The following MBOAT1 variants were observed in gnomAD, a reference collection of about 807,000 sequenced individuals.
The protein encoded by MBOAT1 is membrane-bound glycerophospholipid O-acyltransferase 1.
A neutral mutation model predicts 64.4 loss-of-function variants in MBOAT1; 67 were observed. The ratio of observed to expected loss-of-function variants is 1.04; its 90% CI spans 0.85 to 1.27. MBOAT1 has a LOEUF of 1.27. MBOAT1 is among the 50% of genes most tolerant of loss of function. The probability of loss-of-function intolerance (pLI) is 0.00; values close to 1 mark genes in which losing one functional copy is unlikely to be tolerated. For synonymous variants in MBOAT1, 229 were observed against 218.9 expected, an observed-to-expected ratio of 1.05 and a Z score of -0.41; for missense variants, 563 against 604.6, an observed-to-expected ratio of 0.93 and a Z score of 0.72.
intron 4 of MBOAT1, among the ~76,000 whole-genome samples, chr6:20,138,497 C>A (rs191654821): frequency 1.3e-5 from 2 of 152,338 alleles, no homozygotes; most frequent in Admixed American, 6.5e-5. Context: ...TTGTGTCAAA[C>A]CCCCAAATCC....
chr6:20,142,337 A>G (rs946448785), intron 4 of MBOAT1, among the ~76,000 whole-genome samples: 14 of 152,194 alleles, frequency 9.2e-5, no homozygotes, highest in Non-Finnish European at 2.1e-4. Context: ...ATTGAATGCT[A>G]TGGGGAGTTG....
intron 1 of MBOAT1, among the ~76,000 whole-genome samples, chr6:20,161,335 T>A (rs111476171): frequency 1.3e-5 from 2 of 151,676 alleles, no homozygotes; most frequent in African/African-American, 4.9e-5. Flanking sequence ...TTATGGTGAG[T>A]TGTATAATTA....
intron 1 of MBOAT1, among the ~76,000 whole-genome samples, chr6:20,164,666 G>C (rs767085304): frequency 8.5e-5 from 13 of 152,090 alleles, no homozygotes; most frequent in Non-Finnish European, 1.8e-4. Flanking sequence ...GTTCCAAGGT[G>C]ATTTTAATAT....
At chr6:20,207,946 A>AT (rs1021936464) in intron 1 of MBOAT1, among the ~76,000 whole-genome samples, 4 of 152,192 alleles carry the variant, frequency 2.6e-5, no homozygotes, top group African/African-American at 4.8e-5. Flanking sequence ...GGGGACCTTG[A>AT]TTTTTTTCAT....
rs1240258530 is a variant in MBOAT1, at chr6:20,133,539, A to T, written c.420-2340T>A. Among the ~76,000 whole-genome samples, 10 of 152,324 alleles carry T rather than the reference A, an allele frequency of 6.6e-5. No homozygotes were observed. The East Asian group carries it at 1.9e-3, about 29-fold the overall frequency. ...TTCAAAGCACAAGAGTTTTCTTTCC[A>T]AAGCCTTTTTGTCTCATTTTGCTCT... On this transcript the variant is annotated intron_variant, in intron 4 of 12. Coordinates refer to ENST00000324607, the MANE Select transcript of MBOAT1 (RefSeq NM_001080480.3).
In MBOAT1 at chr6:20,126,714, G is replaced by C. The variant is rs376912781; in HGVS notation, c.531-14C>G. 1.3e-6 allele frequency: 2 copies of C among 1,578,432 alleles called. No homozygotes were observed. The highest frequency in any genetic ancestry group is 2.7e-5 in the African/African-American group (2 of 73,104). On this transcript the variant is annotated splice_polypyrimidine_tract_variant and intron_variant, in intron 6 of 12. Transcript: ENST00000324607. ...GAGGGTTTCACTCTGTGAAAATAAA[G>C]TAAATAAATTGAAAAGTCTTCAGTC...
chr6:20,175,604 G>A (rs1017560818), intron 1 of MBOAT1, among the ~76,000 whole-genome samples: 3 of 151,352 alleles, frequency 2.0e-5, no homozygotes, highest in South Asian at 2.1e-4. Flanking sequence ...ACGTCGCCAC[G>A]CCTGGCTATT....
At chr6:20,115,235 C>T in intron 10 of MBOAT1, 53 bp downstream of exon 10, 1 of 1,371,558 alleles carries the variant, frequency 7.3e-7, no homozygotes. Flanking sequence ...ACTGACTCCC[C>T]TCTGAACATA....
At position 20,146,076 on chromosome 6, in the gene MBOAT1, G is replaced by A. The variant is rs114501905; in HGVS notation, c.324-1761C>T. ...GACACATGGGAGGGGTTCAGTTACT[G>A]TTAGTTGAAATGAACTGAAATGAAT... On this transcript the variant is annotated intron_variant, in intron 3 of 12. Transcript: ENST00000324607. Among the ~76,000 whole-genome samples the A allele has an allele frequency of 3.9e-3, 598 of 152,338 alleles. 3 individuals carry two copies. The highest frequency in any genetic ancestry group is 0.014 in the African/African-American group (580 of 41,576).
At chr6:20,127,124 T>TACA (rs1259470147) in intron 6 of MBOAT1, among the ~76,000 whole-genome samples, 1 of 152,056 alleles carries the variant, frequency 6.6e-6, no homozygotes, top group Non-Finnish European at 1.5e-5. Context: ...CCAACATAAA[T>TACA]ACAAAACAAA....
At chr6:20,165,475 G>A (rs920845836) in intron 1 of MBOAT1, among the ~76,000 whole-genome samples, 2 of 152,142 alleles carry the variant, frequency 1.3e-5, no homozygotes, top group African/African-American at 4.8e-5. Context: ...GGGTGCAATG[G>A]CTCACACCTG....
intron 10 of MBOAT1, among the ~76,000 whole-genome samples, 173 bp downstream of exon 10, chr6:20,115,115 G>A (rs1760281629): frequency 6.6e-6 from 1 of 152,138 alleles, no homozygotes; most frequent in Non-Finnish European, 1.5e-5. Context: ...GCCACATTAT[G>A]GCCTTCTCAA....
intron 1 of MBOAT1, among the ~76,000 whole-genome samples, chr6:20,204,976 C>T (rs998862121): frequency 3.0e-4 from 46 of 152,082 alleles, no homozygotes; most frequent in African/African-American, 9.9e-4. Context: ...GTGAGAGGAT[C>T]GTTTCAGGCC....
intron 4 of MBOAT1, among the ~76,000 whole-genome samples, chr6:20,142,696 C>T (rs1761212895): frequency 6.6e-6 from 1 of 152,150 alleles, no homozygotes; most frequent in Non-Finnish European, 1.5e-5. Context: ...GTGATCCACC[C>T]ACCTCAGCCT....
chr6:20,169,895 T>G (rs577648627), intron 1 of MBOAT1, among the ~76,000 whole-genome samples: 16 of 152,164 alleles, frequency 1.1e-4, no homozygotes, highest in Non-Finnish European at 2.4e-4. Context: ...TGGCAACATA[T>G]CCCTAACTCG....
chr6:20,151,249 G>T lies in MBOAT1; in HGVS notation c.259C>A (p.Leu87Ile), dbSNP rs771495634. ...IFCFGWYSVH[L>I]FVLVLMCYAI... ...TAGCACATTAACACCAGCACAAAAA[G>T]ATGCACAGAGTACCTTTAAGACATA... The change falls in exon 3 of 13, where the codon CTT becomes ATT. Residue 87 changes from leucine to isoleucine, a missense_variant. Transcript: ENST00000324607. 1 of 1,612,168 alleles carries T rather than the reference G, an allele frequency of 6.2e-7. No homozygotes were observed. Among genetic ancestry groups the T allele is most frequent in the Non-Finnish European group, 8.5e-7 (1 of 1,178,688 alleles).
intron 4 of MBOAT1, among the ~76,000 whole-genome samples, chr6:20,137,761 C>A (rs114370855): frequency 2.2e-4 from 33 of 152,124 alleles, no homozygotes; most frequent in Non-Finnish European, 3.5e-4. Flanking sequence ...AACACAAACA[C>A]TAACCTCATC....
chr6:20,186,922 C>A lies in MBOAT1; in HGVS notation c.99+25214G>T, dbSNP rs1762671201. Among the ~76,000 whole-genome samples, 2 of 152,302 alleles carry A rather than the reference C, an allele frequency of 1.3e-5. 1 individual carries two copies. The highest frequency in any genetic ancestry group is 4.2e-4 in the South Asian group (2 of 4,818). On this transcript the variant is annotated intron_variant, in intron 1 of 12. Transcript: ENST00000324607. ...CTGAGCCTTTCAGCTTTAAGCAAAA[C>A]CTACAGCCTATAAACACGGTTAATG...
At chr6:20,120,443 C>A (rs976237628) in intron 8 of MBOAT1, among the ~76,000 whole-genome samples, 1 of 151,894 alleles carries the variant, frequency 6.6e-6, no homozygotes. Flanking sequence ...ACGAAACGTG[C>A]GGATCACCTG....
Sources: gnomAD v4.1 joint callset for allele counts (sites outside exome capture counted in the v4.1 genomes callset) on GRCh38, gnomAD v4.1.1 for gene constraint, MANE v1.5 for transcripts, NCBI Gene and HGNC (gene_info 2026-07-23, HGNC 2026-07-21) for gene names.